Variants in NPAS3 observed in about 807,000 individuals in gnomAD.
NPAS3 encodes neuronal PAS domain protein 3, also known as neuronal PAS domain-containing protein 3.
In NPAS3, 14 loss-of-function variants were observed where a neutral mutation model predicts 73.1. That is an observed-to-expected ratio of 0.19 (90% CI 0.13 to 0.30). The LOEUF (loss-of-function observed/expected upper bound fraction) is 0.30, where lower values mean the gene tolerates loss of function less well. NPAS3 is among the 10% of genes least tolerant of loss of function. The pLI, the probability that NPAS3 is intolerant of heterozygous loss-of-function variation, is 1.00. For missense variants in NPAS3, 1,096 were observed against 1,250.0 expected (o/e 0.88, Z 1.86); for synonymous variants, 620 against 541.5 (o/e 1.14, Z -2.01).
At chr14:33,483,624 G>T (rs570114738) in intron 4 of NPAS3, among the ~76,000 whole-genome samples, 1 of 152,250 alleles carries the variant, frequency 6.6e-6, no homozygotes, top group Non-Finnish European at 1.5e-5. Flanking sequence ...CATGGTTTCA[G>T]GTGAACTGTC....
At chr14:33,787,564 C>T (rs2063215397) in intron 9 of NPAS3, among the ~76,000 whole-genome samples, 1 of 143,582 alleles carries the variant, frequency 7.0e-6, no homozygotes, top group Non-Finnish European at 1.5e-5. Context: ...AAATATCCTT[C>T]AATTCTACCA....
Position 33,774,315 on chromosome 14 carries a change from T to C in NPAS3, c.853-22T>C, listed in dbSNP as rs368953538. ...TGGGATGTAAATTTGACTGGTGTCC[T>C]GTACTTAATGTTGTTTTACAGGTGA... On this transcript the variant is annotated intron_variant, in intron 7 of 11. Coordinates refer to ENST00000356141, the Ensembl canonical transcript of NPAS3. The C allele has an allele frequency of 3.0e-4, 482 of 1,601,130 alleles. 1 individual carries two copies. The highest frequency in any genetic ancestry group is 2.0e-3 in the South Asian group (184 of 90,228).
At chr14:33,473,660 T>G (rs960596008) in intron 4 of NPAS3, among the ~76,000 whole-genome samples, 1 of 152,144 alleles carries the variant, frequency 6.6e-6, no homozygotes, top group Non-Finnish European at 1.5e-5. Flanking sequence ...CTTCTTGCAT[T>G]GAGTGTAATG....
intron 4 of NPAS3, among the ~76,000 whole-genome samples, chr14:33,391,187 C>CTTTTTTT (rs370631048): frequency 9.1e-6 from 1 of 109,808 alleles, no homozygotes; most frequent in East Asian, 3.1e-4. Flanking sequence ...TGGCCCATAT[C>CTTTTTTT]TTTTTTTTTT....
chr14:33,665,379 G>A (rs920568451), intron 5 of NPAS3, among the ~76,000 whole-genome samples: 1 of 152,146 alleles, frequency 6.6e-6, no homozygotes, highest in East Asian at 1.9e-4. Context: ...AACCACCATG[G>A]CGCGTGTATA....
chr14:33,117,992 T>C (rs2043120047), intron 2 of NPAS3, among the ~76,000 whole-genome samples: 1 of 152,096 alleles, frequency 6.6e-6, no homozygotes, highest in African/African-American at 2.4e-5. Context: ...CACAGGTGAG[T>C]ACTCTTCCAT....
intron 1 of NPAS3, among the ~76,000 whole-genome samples, chr14:32,963,614 C>A (rs1247991221): frequency 1.3e-5 from 2 of 152,106 alleles, no homozygotes; most frequent in African/African-American, 2.4e-5. Flanking sequence ...TTCCCCTGGA[C>A]AAATAATCCA....
intron 3 of NPAS3, among the ~76,000 whole-genome samples, chr14:33,226,105 G>A (rs1467578976): frequency 1.3e-5 from 2 of 152,116 alleles, no homozygotes; most frequent in Non-Finnish European, 2.9e-5. Flanking sequence ...TAAGTGAAAA[G>A]TCATATTAAG....
chr14:33,521,469 C>T (rs1026583992), intron 4 of NPAS3, among the ~76,000 whole-genome samples: 1 of 137,324 alleles, frequency 7.3e-6, no homozygotes, highest in Non-Finnish European at 1.5e-5. Context: ...ACTGCTCAAG[C>T]GATAGGCTTG....
intron 4 of NPAS3, among the ~76,000 whole-genome samples, chr14:33,512,096 C>T (rs1161892298): frequency 6.6e-6 from 1 of 152,006 alleles, no homozygotes; most frequent in Non-Finnish European, 1.5e-5. Context: ...AGAAAGAATG[C>T]CTCTGCCATA....
At chr14:32,960,718 A>G (rs768807023) in intron 1 of NPAS3, among the ~76,000 whole-genome samples, 2 of 152,242 alleles carry the variant, frequency 1.3e-5, no homozygotes, top group African/African-American at 4.8e-5. Context: ...AATTTTATTC[A>G]TAGTGCATAT....
intron 3 of NPAS3, among the ~76,000 whole-genome samples, chr14:33,325,129 C>T (rs1296030085): frequency 6.7e-6 from 1 of 148,596 alleles, no homozygotes; most frequent in Non-Finnish European, 1.5e-5. Context: ...AACACCAGAT[C>T]AGCTTGGGAG....
chr14:33,766,734 G>A (rs557772802), intron 7 of NPAS3, among the ~76,000 whole-genome samples: 1 of 152,236 alleles, frequency 6.6e-6, no homozygotes, highest in Non-Finnish European at 1.5e-5. Context: ...CTTACTTCCT[G>A]AGTTGATAGC....
At chr14:33,510,739 G>A (rs2053009563) in intron 4 of NPAS3, among the ~76,000 whole-genome samples, 1 of 152,072 alleles carries the variant, frequency 6.6e-6, no homozygotes, top group South Asian at 2.1e-4. Flanking sequence ...GCTTACTGGA[G>A]AACTACCGCT....
At chr14:33,190,994 A>C (rs980753193) in intron 2 of NPAS3, among the ~76,000 whole-genome samples, 1 of 152,278 alleles carries the variant, frequency 6.6e-6, no homozygotes, top group Middle Eastern at 3.4e-3. Context: ...TTGTCTTTCC[A>C]TAAGTCACAT....
intron 2 of NPAS3, among the ~76,000 whole-genome samples, chr14:33,062,540 A>G (rs2041145578): frequency 6.6e-6 from 1 of 152,186 alleles, no homozygotes; most frequent in Non-Finnish European, 1.5e-5. Flanking sequence ...CATGATTTAG[A>G]ATGAAAGAAT....
chr14:33,063,828 G>T (rs756354239), intron 2 of NPAS3, among the ~76,000 whole-genome samples: 2 of 152,172 alleles, frequency 1.3e-5, no homozygotes, highest in Admixed American at 6.5e-5. Flanking sequence ...TACACTAAAT[G>T]AGTACTACCT....
intron 3 of NPAS3, among the ~76,000 whole-genome samples, chr14:33,242,105 T>C (rs1369471089): frequency 1.3e-5 from 2 of 152,076 alleles, no homozygotes; most frequent in Non-Finnish European, 2.9e-5. Context: ...GTTATGATTT[T>C]TATTTTGGCT....
chr14:32,958,160 C>A (rs1304497084), intron 1 of NPAS3, among the ~76,000 whole-genome samples: 2 of 144,384 alleles, frequency 1.4e-5, no homozygotes, highest in African/African-American at 5.2e-5. Flanking sequence ...AAGCCTGTGA[C>A]CCCTATGGTC....
Sources: allele counts gnomAD v4.1 joint callset (sites outside exome capture counted in the v4.1 genomes callset), GRCh38; gene constraint gnomAD v4.1.1; transcripts MANE v1.5; gene names NCBI Gene and HGNC (gene_info 2026-07-23, HGNC 2026-07-21).